The following OLFML1 variants were observed in gnomAD, a reference collection of about 807,000 sequenced individuals.
OLFML1 encodes the protein olfactomedin-like protein 1.
In OLFML1, 33 loss-of-function variants were observed where a neutral mutation model predicts 37.3. The observed-to-expected ratio is 0.88, with a 90% CI of 0.67 to 1.18. The LOEUF (loss-of-function observed/expected upper bound fraction) is 1.18. OLFML1 is among the 50% of genes most tolerant of loss of function. OLFML1 has a pLI of 0.00. For missense variants in OLFML1, 545 were observed against 483.7 expected (o/e 1.13, Z -1.19); for synonymous variants, 186 against 181.3 (o/e 1.03, Z -0.21).
rs766051487 is a variant in OLFML1, at chr11:7,509,978, T to C, written c.999T>C (p.Thr333=). 6.2e-7 allele frequency: 1 copy of C among 1,614,208 alleles called. No homozygotes were observed. Among genetic ancestry groups the C allele is most frequent in the South Asian group, 1.1e-5 (1 of 91,086 alleles). Residue 333 remains threonine, a synonymous_variant, in exon 3 of 3, where the codon ACT becomes ACC. Coordinates refer to ENST00000329293, the MANE Select transcript of OLFML1 (RefSeq NM_198474.4). The part of the protein sequence containing the change: ...LCGVLYVVYS[T]GGQGPHRITC... ...GGGTTCTCTATGTGGTCTACAGTACTGGGGGCCAGGGCCCTCATCGCATCA... is the reference window on the plus strand; with the variant it reads ...GGGTTCTCTATGTGGTCTACAGTACCGGGGGCCAGGGCCCTCATCGCATCA...
chr11:7,488,607 T>C (rs916134610), intron 2 of OLFML1, 192 bp downstream of exon 2: 4 of 486,282 alleles, frequency 8.2e-6, no homozygotes, highest in Non-Finnish European at 1.5e-5. Flanking sequence ...CGCAAAGCCA[T>C]TCTTTCTTTC....
intron 2 of OLFML1, among the ~76,000 whole-genome samples, chr11:7,505,456 C>T (rs1848774526): frequency 6.6e-6 from 1 of 152,198 alleles, no homozygotes; most frequent in African/African-American, 2.4e-5. Context: ...TTTCCTCATG[C>T]TCCTAGCAAG....
Position 7,509,654 on chromosome 11 carries a change from A to G in OLFML1, c.675A>G (p.Leu225=), listed in dbSNP as rs1303594889. The part of the protein sequence containing the change: ...GTGQVIYKGF[L]FFHNQATSNE... ...GCCAAGTGATCTACAAAGGTTTTCT[A>G]TTTTTTCATAACCAAGCAACTTCTA... is the stretch of plus-strand genomic sequence containing the variant. The change falls in exon 3 of 3, where the codon CTA becomes CTG. Residue 225 remains leucine (L), a synonymous_variant. Transcript: ENST00000329293. 5 of 1,614,070 alleles carry G rather than the reference A, an allele frequency of 3.1e-6. No individual in the cohort carries two copies. Among genetic ancestry groups the G allele is most frequent in the African/African-American group, 2.7e-5 (2 of 74,942 alleles).
intron 2 of OLFML1, among the ~76,000 whole-genome samples, chr11:7,497,939 C>T (rs1164057752): frequency 6.6e-6 from 1 of 152,176 alleles, no homozygotes; most frequent in Non-Finnish European, 1.5e-5. Context: ...TTTCCTGCTA[C>T]CCATCCACTG....
intron 2 of OLFML1, among the ~76,000 whole-genome samples, chr11:7,501,825 G>A (rs551723718): frequency 6.6e-6 from 1 of 152,208 alleles, no homozygotes; most frequent in Non-Finnish European, 1.5e-5. Context: ...CTGCTTAAAT[G>A]AGACTATTTT....
chr11:7,491,270 A>T (rs6578867), intron 2 of OLFML1, among the ~76,000 whole-genome samples: 1 of 151,944 alleles, frequency 6.6e-6, no homozygotes, highest in African/African-American at 2.4e-5. Context: ...TCCTGGAGCA[A>T]TTCATTCAGT....
intron 2 of OLFML1, among the ~76,000 whole-genome samples, chr11:7,493,055 T>C (rs957042512): frequency 1.3e-5 from 2 of 152,232 alleles, no homozygotes; most frequent in African/African-American, 4.8e-5. Context: ...TCTTTTTAAC[T>C]TGTAAATAGT....
chr11:7,499,084 T>C (rs1848692812), intron 2 of OLFML1, among the ~76,000 whole-genome samples: 2 of 152,246 alleles, frequency 1.3e-5, no homozygotes, highest in African/African-American at 4.8e-5. Flanking sequence ...AGTGTTGCTA[T>C]TAAATCAGGG....
At chr11:7,497,315 A>G (rs150297994) in intron 2 of OLFML1, among the ~76,000 whole-genome samples, 1 of 152,252 alleles carries the variant, frequency 6.6e-6, no homozygotes, top group Admixed American at 6.5e-5. Flanking sequence ...CCCTGCTTTT[A>G]TTTTTCTTTC....
At position 7,488,236 on chromosome 11, in the gene OLFML1, A is replaced by G. The variant is rs780236538; in HGVS notation, c.239A>G (p.Glu80Gly). Residue 80 changes from glutamate to glycine, a missense_variant, in exon 2 of 3, where the codon GAG becomes GGG. Coordinates refer to ENST00000329293, the MANE Select transcript of OLFML1 (RefSeq NM_198474.4). ...MLGRCQTYTS[E>G]YKSAVGNLAL... ...GGAAGATGTCAGACCTACACAAGTG[A>G]GTACAAGAGTGCAGTGGGTAACTTG... 31 of 1,614,076 alleles carry G rather than the reference A, an allele frequency of 1.9e-5. No individual in the cohort carries two copies. In the East Asian group the frequency reaches 6.7e-4, roughly 35 times the overall value.
chr11:7,493,140 A>G (rs1848619421), intron 2 of OLFML1, among the ~76,000 whole-genome samples: 1 of 152,222 alleles, frequency 6.6e-6, no homozygotes, highest in Non-Finnish European at 1.5e-5. Flanking sequence ...GTTGTCGTCC[A>G]GTTCCTTTTA....
chr11:7,488,158 G>C lies in OLFML1; in HGVS notation c.161G>C (p.Arg54Thr), dbSNP rs201456259. Residue 54 changes from arginine to threonine, a missense_variant, in exon 2 of 3, where the codon AGG becomes ACG. Arg to Thr is a moderately conservative substitution (Grantham distance 71). Coordinates refer to ENST00000329293, the MANE Select transcript of OLFML1 (RefSeq NM_198474.4). The stretch of plus-strand genomic sequence containing the variant: ...CTGGAAAAATGTACCCAAGCAACGA[G>C]GGCATACATTCAAGAATTCCAAGAG... ...QGLEKCTQAT[R>T]AYIQEFQEFS... 117 of 1,612,366 alleles carry C rather than the reference G, an allele frequency of 7.3e-5. No individual in the cohort carries two copies. The highest frequency in any genetic ancestry group is 9.4e-5 in the Non-Finnish European group (111 of 1,179,022).
At position 7,496,663 on chromosome 11, in the gene OLFML1, T is replaced by C. The variant is rs61888646; in HGVS notation, c.418+8248T>C. ...CAAATGGCAGTACCACAGCTAGAAA[T>C]TGAGAGCATTTCCATCCTTTTCAGT... On this transcript the variant is annotated intron_variant, in intron 2 of 2. Transcript: ENST00000329293. Among the ~76,000 whole-genome samples, 806 of 152,064 alleles carry C rather than the reference T, an allele frequency of 5.3e-3. 3 individuals carry two copies. Among genetic ancestry groups the C allele is most frequent in the Non-Finnish European group, 6.8e-3 (465 of 67,996 alleles).
At position 7,485,689 on chromosome 11, in the gene OLFML1, T is replaced by C. The variant is rs1848511689; in HGVS notation, c.-187T>C. ...CTTGCCAACAGCTGGACTTGATCAC[T>C]AGCTGGCAAACTGAGCTCACGTATC... is the stretch of plus-strand genomic sequence containing the variant. On this transcript the variant is annotated 5_prime_UTR_variant, in exon 1 of 3. Coordinates refer to ENST00000329293, the MANE Select transcript of OLFML1 (RefSeq NM_198474.4). 1.3e-5 allele frequency: 8 copies of C among 624,804 alleles called. No homozygotes were observed. In the East Asian group the frequency reaches 2.2e-4, roughly 17 times the overall value. 38.7% of individuals were successfully genotyped at this position (624,804 alleles called of 1,614,324 possible).
intron 2 of OLFML1, among the ~76,000 whole-genome samples, chr11:7,499,707 A>T (rs1415333944): frequency 6.6e-6 from 1 of 152,024 alleles, no homozygotes; most frequent in Admixed American, 6.6e-5. Flanking sequence ...ACATGGGGGG[A>T]ATTCTGTTTC....
chr11:7,489,296 T>G (rs879829618), intron 2 of OLFML1, among the ~76,000 whole-genome samples: 2 of 152,136 alleles, frequency 1.3e-5, no homozygotes, highest in African/African-American at 2.4e-5. Context: ...GAGGTGACAC[T>G]TGGTCTCAGT....
intron 2 of OLFML1, among the ~76,000 whole-genome samples, chr11:7,497,752 G>C (rs1238438329): frequency 1.3e-5 from 2 of 152,132 alleles, no homozygotes; most frequent in African/African-American, 4.8e-5. Flanking sequence ...ATTTAGTGCT[G>C]GAAAGCTAGA....
chr11:7,493,331 AC>A (rs1247598618), intron 2 of OLFML1, among the ~76,000 whole-genome samples: 1 of 152,252 alleles, frequency 6.6e-6, no homozygotes, highest in East Asian at 1.9e-4. Flanking sequence ...TAAAAGCAAG[AC>A]AACTAAACAA....
At chr11:7,492,378 T>C (rs1329460672) in intron 2 of OLFML1, among the ~76,000 whole-genome samples, 1 of 151,978 alleles carries the variant, frequency 6.6e-6, no homozygotes, top group African/African-American at 2.4e-5. Context: ...GATCAGAGGG[T>C]TTCATTCATA....
Sources: gnomAD v4.1 joint callset for allele counts (sites outside exome capture counted in the v4.1 genomes callset) on GRCh38, gnomAD v4.1.1 for gene constraint, MANE v1.5 for transcripts, NCBI Gene and HGNC (gene_info 2026-07-23, HGNC 2026-07-21) for gene names.